Variants in PTPN13 observed in about 807,000 individuals in gnomAD.
PTPN13 encodes protein tyrosine phosphatase non-receptor type 13, also known as tyrosine-protein phosphatase non-receptor type 13.
A neutral mutation model predicts 284.0 loss-of-function variants in PTPN13; 191 were observed. That is an observed-to-expected ratio of 0.67 (90% CI 0.60 to 0.76). PTPN13 has a LOEUF of 0.76. Ranked by LOEUF, PTPN13 falls within the 30% of genes least tolerant of loss-of-function variation. PTPN13 has a pLI of 0.00. For synonymous variants in PTPN13, 986 were observed against 1,022.3 expected, an observed-to-expected ratio of 0.96 and a Z score of 0.68; for missense variants, 2,797 against 2,939.9, an observed-to-expected ratio of 0.95 and a Z score of 1.12.
chr4:86,715,234 A>ATG (rs147987763), intron 7 of PTPN13, among the ~76,000 whole-genome samples: 22,400 of 151,776 alleles, frequency 0.15, 2,044 homozygotes, highest in East Asian at 0.29. Context: ...GTGTGTATAT[A>ATG]CGTGTGTGTG....
chr4:86,741,622 T>C lies in PTPN13; in HGVS notation c.2305-12T>C. On this transcript the variant is annotated splice_polypyrimidine_tract_variant and intron_variant, in intron 15 of 47. Transcript: ENST00000411767. ...CAAAGTGTATTGCTATGGTATGGTA[T>C]TATTCCAACAGGTCTGCCAAAGACT... 1 of 1,608,086 alleles carries C rather than the reference T, an allele frequency of 6.2e-7. No individual in the cohort carries two copies. Among genetic ancestry groups the C allele is most frequent in the Non-Finnish European group, 8.5e-7 (1 of 1,175,008 alleles).
At chr4:86,769,735 A>G (rs763122003) in intron 28 of PTPN13, 34 bp from the exon 29 acceptor site, 18 of 1,361,414 alleles carry the variant, frequency 1.3e-5, no homozygotes, top group Non-Finnish European at 1.8e-5. Context: ...GCATGTTAAT[A>G]ATATCTAAAT....
intron 47 of PTPN13, among the ~76,000 whole-genome samples, chr4:86,814,236 A>T (rs1232711028): frequency 1.3e-5 from 2 of 150,030 alleles, no homozygotes. Context: ...CGATCTCTTG[A>T]CCTCGTGATC....
rs183582476 is a variant in PTPN13, at chr4:86,786,883, C to T, written c.6345+947C>T. On this transcript the variant is annotated intron_variant, in intron 40 of 47. Coordinates refer to ENST00000411767, the MANE Select transcript of PTPN13 (RefSeq NM_080683.3). ...TTTTGGAAGGCCGAGGAGGGCAGATCACTTGAGGTCAGGAGTTCAAGACCA... is the reference window on the plus strand; with the variant it reads ...TTTTGGAAGGCCGAGGAGGGCAGATTACTTGAGGTCAGGAGTTCAAGACCA... Among the ~76,000 whole-genome samples, 252 of 152,200 alleles carry T rather than the reference C, an allele frequency of 1.7e-3. 1 individual carries two copies. The highest frequency in any genetic ancestry group is 5.8e-3 in the African/African-American group (242 of 41,526).
intron 3 of PTPN13, among the ~76,000 whole-genome samples, chr4:86,678,845 G>C (rs1191123957): frequency 6.6e-6 from 1 of 152,072 alleles, no homozygotes; most frequent in Non-Finnish European, 1.5e-5. Context: ...TTCCACCTCA[G>C]TTCAGTCCAT....
At chr4:86,810,758 G>T (rs578168962) in intron 46 of PTPN13, among the ~76,000 whole-genome samples, 1 of 152,278 alleles carries the variant, frequency 6.6e-6, no homozygotes, top group East Asian at 1.9e-4. Context: ...TTTTTAAATT[G>T]TAATATTAGA....
At chr4:86,767,584 G>A (rs753495379) in intron 27 of PTPN13, among the ~76,000 whole-genome samples, 44 of 151,830 alleles carry the variant, frequency 2.9e-4, no homozygotes, top group Non-Finnish European at 5.0e-4. Flanking sequence ...ATTTATAATA[G>A]ATTCTTTTTA....
chr4:86,803,995 C>A, intron 43 of PTPN13, 138 bp downstream of exon 43: 2 of 871,386 alleles, frequency 2.3e-6, no homozygotes, highest in Non-Finnish European at 3.5e-6. Context: ...TCATATCTAG[C>A]AGAAAATTAA....
chr4:86,798,021 C>A (rs1296271987), intron 41 of PTPN13, among the ~76,000 whole-genome samples: 5 of 152,070 alleles, frequency 3.3e-5, no homozygotes, highest in Non-Finnish European at 7.4e-5. Flanking sequence ...AGTTAATCCC[C>A]AAAAAACTGA....
rs1578445008 is a variant in PTPN13 at position 86,701,392 on chromosome 4, T to C, written c.786T>C (p.Asn262=). ...ENYFKDILSD[N]SGREDSENTF... Reference sequence around the variant, plus strand: ...ATTTCAAGGACATTTTATCAGATAATTCTGGACGTGAAGATTCTGAAAATA... The same window carrying C: ...ATTTCAAGGACATTTTATCAGATAACTCTGGACGTGAAGATTCTGAAAATA... Residue 262 remains asparagine, a synonymous_variant, in exon 7 of 48, where the codon AAT becomes AAC. Transcript: ENST00000411767. 6.2e-7 allele frequency: 1 copy of C among 1,613,620 alleles called. No homozygotes were observed. Among genetic ancestry groups the C allele is most frequent in the East Asian group, 2.2e-5 (1 of 44,886 alleles).
chr4:86,685,636 G>C (rs527523506), intron 3 of PTPN13, among the ~76,000 whole-genome samples: 1 of 152,194 alleles, frequency 6.6e-6, no homozygotes, highest in African/African-American at 2.4e-5. Flanking sequence ...AAAAACGGCA[G>C]TGATGCAGTG....
intron 9 of PTPN13, 81 bp from the exon 10 acceptor site, chr4:86,722,131 A>C: frequency 3.5e-6 from 4 of 1,157,108 alleles, no homozygotes; most frequent in Non-Finnish European, 5.1e-6. Context: ...TTGCAACCTT[A>C]CTTAAAATGA....
rs1248952131 is a variant in PTPN13, at chr4:86,785,929, T to C, written c.6338T>C (p.Phe2113Ser). 1.3e-6 allele frequency: 2 copies of C among 1,535,958 alleles called. No homozygotes were observed. Among genetic ancestry groups the C allele is most frequent in the East Asian group, 4.8e-5 (2 of 41,734 alleles). Residue 2113 changes from phenylalanine to serine, a missense_variant, in exon 40 of 48, where the codon TTT (phenylalanine) becomes TCT (serine). By Grantham distance (155) the Phe-to-Ser change is radical (BLOSUM62 -2). Coordinates refer to ENST00000411767, the MANE Select transcript of PTPN13 (RefSeq NM_080683.3). ...GATGGTTCACCTTTACCTGAGTATT[T>C]TACTGAGGTAACAATAATACCTAAA... The part of the protein sequence containing the change: ...DCDGSPLPEY[F>S]TEATKMNGCE...
In PTPN13 at chr4:86,758,932, A is replaced by AT. The variant is rs2149235651; in HGVS notation, c.3422-7dup. 3 of 1,609,850 alleles carry AT rather than the reference A, an allele frequency of 1.9e-6. No homozygotes were observed. In the East Asian group the frequency reaches 6.7e-5, roughly 36 times the overall value. On this transcript the variant is annotated splice_polypyrimidine_tract_variant and intron_variant, in intron 22 of 47. Transcript: ENST00000411767. ...TGTTGTTGAAAATACTGGATTGTCT[A>AT]TTTGTACAGGAGACCGTTTGATATC...
At chr4:86,791,245 C>T (rs903334875) in intron 40 of PTPN13, among the ~76,000 whole-genome samples, 5 of 152,204 alleles carry the variant, frequency 3.3e-5, no homozygotes, top group Admixed American at 1.3e-4. Flanking sequence ...TCACTGCCAG[C>T]GCAGCAGTCT....
intron 30 of PTPN13, among the ~76,000 whole-genome samples, chr4:86,770,493 T>A (rs1739866191): frequency 1.3e-5 from 2 of 152,340 alleles, no homozygotes; most frequent in Non-Finnish European, 2.9e-5. Context: ...CAAACTGTTA[T>A]TCCTCATCTG....
At chr4:86,608,584 A>G (rs766082001) in intron 1 of PTPN13, among the ~76,000 whole-genome samples, 2 of 152,120 alleles carry the variant, frequency 1.3e-5, no homozygotes, top group Non-Finnish European at 2.9e-5. Context: ...GGTAAATACT[A>G]CTGTTATCTT....
Position 86,672,399 on chromosome 4 carries a change from C to A in PTPN13, c.150C>A (p.Ile50=). 1 of 1,555,852 alleles carries A rather than the reference C, an allele frequency of 6.4e-7. No homozygotes were observed. Among genetic ancestry groups the A allele is most frequent in the Non-Finnish European group, 8.7e-7 (1 of 1,149,158 alleles). Residue 50 remains isoleucine (I), a synonymous_variant, in exon 3 of 48, where the codon ATC becomes ATA. Coordinates refer to ENST00000411767, the MANE Select transcript of PTPN13 (RefSeq NM_080683.3). The part of the protein sequence containing the change: ...SLADPAALGF[I]ISPWSLLLLP... ...CTGATCCTGCTGCCCTTGGCTTCATCATTTCTCCATGGTCTCTGCTGTTGC... is the reference window on the plus strand; with the variant it reads ...CTGATCCTGCTGCCCTTGGCTTCATAATTTCTCCATGGTCTCTGCTGTTGC...
In PTPN13 at chr4:86,789,842, C is replaced by CTTTT. The variant is rs34944218; in HGVS notation, c.6345+3919_6345+3922dup. Reference sequence around the variant, plus strand: ...TTGGTTAATACAGGTATCACTGTAGCTTTTTTTTTTTTTTTTGAGTAACAG... The same window carrying CTTTT: ...TTGGTTAATACAGGTATCACTGTAGCTTTTTTTTTTTTTTTTTTTTGAGTAACAG... On this transcript the variant is annotated intron_variant, in intron 40 of 47. Coordinates refer to ENST00000411767, the MANE Select transcript of PTPN13 (RefSeq NM_080683.3). Among the ~76,000 whole-genome samples, 420 of 135,962 alleles carry CTTTT rather than the reference C, an allele frequency of 3.1e-3. 1 individual carries two copies. Among genetic ancestry groups the CTTTT allele is most frequent in the African/African-American group, 0.011 (405 of 37,108 alleles). 89.2% of individuals were successfully genotyped at this position (135,962 alleles called of 152,430 possible).
Sources: gnomAD v4.1 joint callset for allele counts (sites outside exome capture counted in the v4.1 genomes callset) on GRCh38, gnomAD v4.1.1 for gene constraint, MANE v1.5 for transcripts, NCBI Gene and HGNC (gene_info 2026-07-23, HGNC 2026-07-21) for gene names.